ANKS1B: variants seen among roughly 807,000 people sequenced by gnomAD.
ANKS1B encodes ankyrin repeat and sterile alpha motif domain-containing protein 1B.
Under a neutral mutation model 148.3 loss-of-function variants are expected in ANKS1B, and 36 were observed. That is an observed-to-expected ratio of 0.24 (90% confidence interval 0.19 to 0.32). The LOEUF is 0.32. ANKS1B is among the 10% of genes least tolerant of loss of function. The pLI is 1.00. For missense variants in ANKS1B, 1,157 were observed against 1,542.6 expected (o/e 0.75, Z 4.19); for synonymous variants, 542 against 560.8 (o/e 0.97, Z 0.47).
intron 17 of ANKS1B, among the ~76,000 whole-genome samples, chr12:98,953,788 CTCTGGTAATTTTTTTTCCAATTCT>C (rs2099857972): frequency 6.6e-6 from 1 of 151,976 alleles, no homozygotes; most frequent in Admixed American, 6.6e-5. Context: ...TAATACTTGC[CTCTGGTAATTTTTTTTCCAATTCT>C]TCTGTTGACT....
chr12:99,925,797 C>T (rs1186823826), intron 1 of ANKS1B, among the ~76,000 whole-genome samples: 2 of 152,152 alleles, frequency 1.3e-5, no homozygotes, highest in Admixed American at 6.5e-5. Context: ...AAAGTTAATA[C>T]ATAGAATTGT....
exon 10 of ANKS1B, chr12:98,735,014 A>G (rs1131021): frequency 1.3e-5 from 5 of 388,932 alleles, no homozygotes; most frequent in Non-Finnish European, 1.8e-5. Context: ...TTGGGAGGCT[A>G]AGACAGGAGG....
chr12:99,650,753 ATGTAATATAGGATCAATTCATAATC>A (rs2098414071), intron 9 of ANKS1B, among the ~76,000 whole-genome samples: 3 of 152,304 alleles, frequency 2.0e-5, no homozygotes, highest in Admixed American at 2.0e-4. Context: ...GAAAAATAAA[ATGTAATATAGGATCAATTCATAATC>A]TGGACAAAAA....
chr12:99,372,907 C>T (rs1293879541), intron 12 of ANKS1B, among the ~76,000 whole-genome samples: 1 of 152,094 alleles, frequency 6.6e-6, no homozygotes, highest in African/African-American at 2.4e-5. Context: ...TCATATTAAG[C>T]TGCACTCTTT....
At chr12:99,774,488 G>GGCATTCTCATTCA (rs2063475248) in intron 7 of ANKS1B, among the ~76,000 whole-genome samples, 1 of 152,022 alleles carries the variant, frequency 6.6e-6, no homozygotes, top group South Asian at 2.1e-4. Context: ...GATAGGAGGT[G>GGCATTCTCATTCA]TTTCTGAGGA....
At chr12:99,573,933 A>C (rs191422524) in intron 9 of ANKS1B, among the ~76,000 whole-genome samples, 1 of 151,768 alleles carries the variant, frequency 6.6e-6, no homozygotes, top group Admixed American at 6.6e-5. Flanking sequence ...CTTTTTTATC[A>C]TTTTTTTCAC....
At chr12:98,758,066 G>A (rs940281796) in intron 25 of ANKS1B, among the ~76,000 whole-genome samples, 2 of 152,128 alleles carry the variant, frequency 1.3e-5, no homozygotes, top group Non-Finnish European at 2.9e-5. Flanking sequence ...CCCCTAACTG[G>A]ATTGTTCTGA....
intron 16 of ANKS1B, among the ~76,000 whole-genome samples, chr12:99,056,103 A>G (rs2040109480): frequency 6.6e-6 from 1 of 152,178 alleles, no homozygotes; most frequent in African/African-American, 2.4e-5. Flanking sequence ...ACAGGGCAGT[A>G]TCATCCGCCC....
chr12:99,019,286 G>C (rs562174456), intron 17 of ANKS1B, among the ~76,000 whole-genome samples: 35 of 152,264 alleles, frequency 2.3e-4, no homozygotes, highest in Middle Eastern at 6.8e-3. Context: ...GATTTCAAAT[G>C]CATCTCATGC....
At chr12:99,276,917 T>C (rs549389772) in intron 12 of ANKS1B, among the ~76,000 whole-genome samples, 1 of 152,302 alleles carries the variant, frequency 6.6e-6, no homozygotes, top group South Asian at 2.1e-4. Context: ...TGTTACATGA[T>C]CTCTGTATAG....
rs527730974 is a variant in ANKS1B, at chr12:99,515,380, A to G, written c.1273-10739T>C. Reference sequence around the variant, plus strand: ...CATCCTACTTTATGTCTCCATGAGTACAATTATTTTGACATTTAGATTCCA... The same window carrying G: ...CATCCTACTTTATGTCTCCATGAGTGCAATTATTTTGACATTTAGATTCCA... On this transcript the variant is annotated intron_variant, in intron 9 of 26. Coordinates refer to ENST00000683438, the MANE Select transcript of ANKS1B (RefSeq NM_001352186.2). 3.9e-5 allele frequency among the ~76,000 whole-genome samples: 6 copies of G among 152,122 alleles called. No homozygotes were observed. In the South Asian group the frequency reaches 1.2e-3, roughly 32 times the overall value.
chr12:99,000,470 T>C (rs1280638185), intron 17 of ANKS1B, among the ~76,000 whole-genome samples: 2 of 152,102 alleles, frequency 1.3e-5, no homozygotes, highest in Non-Finnish European at 2.9e-5. Flanking sequence ...GGTTTCACCA[T>C]GTTGGCCAGG....
intron 17 of ANKS1B, among the ~76,000 whole-genome samples, chr12:98,942,034 A>G (rs1324005359): frequency 6.6e-6 from 1 of 152,132 alleles, no homozygotes; most frequent in Non-Finnish European, 1.5e-5. Flanking sequence ...CAAGGTCAAG[A>G]GTTTGAGACT....
At chr12:99,677,622 A>C (rs1489802590) in intron 8 of ANKS1B, among the ~76,000 whole-genome samples, 1 of 152,326 alleles carries the variant, frequency 6.6e-6, no homozygotes. Context: ...ACCCAGTCAA[A>C]TCTCCAGCTG....
chr12:99,904,401 A>G (rs1463235105), intron 1 of ANKS1B, among the ~76,000 whole-genome samples: 1 of 152,046 alleles, frequency 6.6e-6, no homozygotes, highest in East Asian at 1.9e-4. Context: ...CATGTTGGCC[A>G]TGCTGGTCTC....
At chr12:99,191,241 G>T (rs2080650148) in intron 14 of ANKS1B, among the ~76,000 whole-genome samples, 2 of 152,332 alleles carry the variant, frequency 1.3e-5, no homozygotes, top group Non-Finnish European at 2.9e-5. Context: ...CTTTTATACT[G>T]TTGGTGGGAG....
At chr12:99,667,969 CT>C (rs2098517660) in intron 8 of ANKS1B, among the ~76,000 whole-genome samples, 1 of 152,072 alleles carries the variant, frequency 6.6e-6, no homozygotes, top group Non-Finnish European at 1.5e-5. Context: ...GATTTTGTTA[CT>C]GTGTTTATGA....
chr12:98,862,105 C>T (rs2099602188), intron 17 of ANKS1B, among the ~76,000 whole-genome samples: 1 of 152,062 alleles, frequency 6.6e-6, no homozygotes, highest in African/African-American at 2.4e-5. Context: ...GGTCAGTTTG[C>T]TTTTTCTCTA....
intron 9 of ANKS1B, among the ~76,000 whole-genome samples, chr12:99,509,876 G>A (rs1210547118): frequency 1.3e-5 from 2 of 151,982 alleles, no homozygotes; most frequent in African/African-American, 2.4e-5. Context: ...CAACTCTTTT[G>A]TTAGGGGCTA....
Sources: gnomAD v4.1 joint callset for allele counts (sites outside exome capture counted in the v4.1 genomes callset) on GRCh38, gnomAD v4.1.1 for gene constraint, MANE v1.5 for transcripts, NCBI Gene and HGNC (gene_info 2026-07-23, HGNC 2026-07-21) for gene names.